The following HCRTR2 variants were observed in gnomAD, a reference collection of about 807,000 sequenced individuals.
HCRTR2 encodes orexin receptor type 2.
HCRTR2 carries 22 observed loss-of-function variants against 49.0 expected under a neutral mutation model. The observed-to-expected ratio is 0.45, with a 90% CI of 0.32 to 0.64. The LOEUF is 0.64. Among genes scored for constraint, HCRTR2 ranks in the 30% least tolerant of loss-of-function variants. The probability of loss-of-function intolerance (pLI) is 0.04; values close to 1 mark genes in which losing one functional copy is unlikely to be tolerated. For synonymous variants in HCRTR2, 236 were observed against 205.3 expected (o/e 1.15, Z -1.28); for missense variants, 491 against 559.4 (o/e 0.88, Z 1.23).
chr6:55,154,404 T>A (rs1259607429), intron 1 of HCRTR2, among the ~76,000 whole-genome samples: 3 of 151,804 alleles, frequency 2.0e-5, no homozygotes, highest in Non-Finnish European at 4.4e-5. Flanking sequence ...AATTCAACAG[T>A]ACATTAAAAA....
chr6:55,217,744 C>G (rs1427943429), intron 1 of HCRTR2, among the ~76,000 whole-genome samples: 1 of 152,172 alleles, frequency 6.6e-6, no homozygotes, highest in Non-Finnish European at 1.5e-5. Context: ...ATCCTCTGAT[C>G]CTTCACCAGA....
chr6:55,192,413 G>A (rs75864348), intron 1 of HCRTR2, among the ~76,000 whole-genome samples: 15,433 of 128,182 alleles, frequency 0.12, 937 homozygotes, highest in South Asian at 0.23. Flanking sequence ...GCGCGCGCGC[G>A]CACACACACA....
intron 1 of HCRTR2, among the ~76,000 whole-genome samples, chr6:55,163,414 G>A (rs1764834464): frequency 6.6e-6 from 1 of 152,092 alleles, no homozygotes; most frequent in Non-Finnish European, 1.5e-5. Context: ...CATGGTATTG[G>A]TATGAAAACA....
chr6:55,220,100 G>T (rs1236284520), intron 1 of HCRTR2, among the ~76,000 whole-genome samples: 1 of 151,988 alleles, frequency 6.6e-6, no homozygotes, highest in East Asian at 1.9e-4. Context: ...CTTCACTGGA[G>T]AATTCTGCCA....
At chr6:55,137,966 A>G (rs1056154012) in intron 1 of HCRTR2, among the ~76,000 whole-genome samples, 2 of 152,132 alleles carry the variant, frequency 1.3e-5, no homozygotes, top group Non-Finnish European at 2.9e-5. Flanking sequence ...CAGTTTCTTC[A>G]TTTCCTATTT....
intron 1 of HCRTR2, among the ~76,000 whole-genome samples, chr6:55,146,186 A>G (rs1034148062): frequency 6.6e-6 from 1 of 152,206 alleles, no homozygotes; most frequent in Non-Finnish European, 1.5e-5. Context: ...ATAGTGGAGA[A>G]CAATTATAAG....
chr6:55,230,828 A>G (rs1245011114), intron 1 of HCRTR2, among the ~76,000 whole-genome samples: 1 of 149,988 alleles, frequency 6.7e-6, no homozygotes, highest in East Asian at 1.9e-4. Context: ...TTATTATCCA[A>G]TGAAACAGGT....
chr6:55,133,916 G>A (rs1764397573), intron 1 of HCRTR2, among the ~76,000 whole-genome samples: 1 of 151,680 alleles, frequency 6.6e-6, no homozygotes, highest in South Asian at 2.1e-4. Context: ...ATAAAAAGTG[G>A]TTATTACAAA....
chr6:55,269,936 C>T (rs1222974403), intron 4 of HCRTR2, among the ~76,000 whole-genome samples: 3 of 152,150 alleles, frequency 2.0e-5, no homozygotes, highest in African/African-American at 7.2e-5. Context: ...TGCACTCCAG[C>T]CTGTGTGGCA....
intron 1 of HCRTR2, among the ~76,000 whole-genome samples, chr6:55,138,217 T>A (rs1764458094): frequency 6.6e-6 from 1 of 152,190 alleles, no homozygotes; most frequent in South Asian, 2.1e-4. Context: ...TAGTTAATTT[T>A]TTTTTGTCCT....
intron 1 of HCRTR2, among the ~76,000 whole-genome samples, chr6:55,137,009 T>C (rs1764442990): frequency 6.6e-6 from 1 of 152,098 alleles, no homozygotes; most frequent in Non-Finnish European, 1.5e-5. Flanking sequence ...TATCCAGAAA[T>C]AGTCACATGG....
In HCRTR2 at chr6:55,150,893, C is replaced by A. The variant is rs554668830; in HGVS notation, c.-377-23318C>A. Among the ~76,000 whole-genome samples the A allele has an allele frequency of 2.6e-5, 4 of 152,062 alleles. No individual in the cohort carries two copies. In the South Asian group the frequency reaches 8.3e-4, roughly 32 times the overall value. On this transcript the variant is annotated intron_variant, in intron 1 of 7. Coordinates refer to the HCRTR2 transcript ENST00000615358. ...CTGCAGGTTTGTTTCTAGACAACTA[C>A]AATAAAGTGAATATCACAATAAAGT... is the stretch of plus-strand genomic sequence containing the variant.
chr6:55,182,684 T>C (rs957946298), intron 1 of HCRTR2, among the ~76,000 whole-genome samples: 6 of 152,200 alleles, frequency 3.9e-5, no homozygotes, highest in African/African-American at 7.2e-5. Context: ...AGAAGCTATG[T>C]CATAATAAAT....
intron 1 of HCRTR2, 60 bp from the exon 2 acceptor site, chr6:55,248,579 T>C: frequency 7.6e-7 from 1 of 1,315,492 alleles, no homozygotes; most frequent in South Asian, 1.2e-5. Context: ...ACTGACAGTG[T>C]TTCCTCACCA....
chr6:55,205,725 GTGTT>G (rs1234184727), intron 1 of HCRTR2, among the ~76,000 whole-genome samples: 7 of 152,042 alleles, frequency 4.6e-5, no homozygotes, highest in East Asian at 1.9e-4. Context: ...TTGGTTTTTT[GTGTT>G]TGTTTGTTTT....
At chr6:55,114,624 A>G (rs1764092211) in intron 1 of HCRTR2, among the ~76,000 whole-genome samples, 1 of 151,904 alleles carries the variant, frequency 6.6e-6, no homozygotes. Flanking sequence ...ATGGAAAAGG[A>G]AAATGCTGCT....
chr6:55,263,912 T>A, intron 4 of HCRTR2, 90 bp downstream of exon 4: 1 of 817,550 alleles, frequency 1.2e-6, no homozygotes, highest in Non-Finnish European at 2.1e-6. Flanking sequence ...CTGTGCTTTT[T>A]TTTTAGGATG....
intron 1 of HCRTR2, among the ~76,000 whole-genome samples, chr6:55,125,276 C>T (rs181431680): frequency 2.8e-4 from 42 of 152,250 alleles, no homozygotes; most frequent in African/African-American, 8.9e-4. Context: ...ATGTTTAGCG[C>T]TTCCTTCAGG....
At chr6:55,152,997 G>GT (rs899893159) in intron 1 of HCRTR2, among the ~76,000 whole-genome samples, 8 of 151,682 alleles carry the variant, frequency 5.3e-5, no homozygotes, top group Non-Finnish European at 8.8e-5. Flanking sequence ...CTGTGTGCGT[G>GT]TTTTTTTTCT....
Sources: allele counts gnomAD v4.1 joint callset (sites outside exome capture counted in the v4.1 genomes callset), GRCh38; gene constraint gnomAD v4.1.1; transcripts MANE v1.5; gene names NCBI Gene and HGNC (gene_info 2026-07-23, HGNC 2026-07-21).